The following SIAH1 variants were observed in gnomAD, a reference collection of about 807,000 sequenced individuals.
The protein encoded by SIAH1 is E3 ubiquitin-protein ligase SIAH1.
Under a neutral mutation model 20.0 loss-of-function variants are expected in SIAH1, and 2 were observed. The ratio of observed to expected loss-of-function variants is 0.10; its 90% CI spans 0.04 to 0.31. SIAH1 has a LOEUF of 0.31. Ranked by LOEUF, SIAH1 falls within the 10% of genes least tolerant of loss-of-function variation. The pLI is 1.00. For missense variants in SIAH1, 119 were observed against 355.3 expected (o/e 0.33, Z 5.35); for synonymous variants, 118 against 125.3 (o/e 0.94, Z 0.39).
chr16:48,379,428 T>A (rs547076810), intron 1 of SIAH1, among the ~76,000 whole-genome samples: 1 of 152,162 alleles, frequency 6.6e-6, no homozygotes, highest in African/African-American at 2.4e-5. Context: ...AAGAACCCAG[T>A]TGGCCTAGGT....
chr16:48,371,912 TACTTATA>T (rs1479894187), intron 1 of SIAH1, among the ~76,000 whole-genome samples: 5 of 152,142 alleles, frequency 3.3e-5, no homozygotes, highest in African/African-American at 9.7e-5. Context: ...TTTAAAACCT[TACTTATA>T]AAATTCATGG....
intron 1 of SIAH1, among the ~76,000 whole-genome samples, chr16:48,372,034 T>A (rs778906499): frequency 5.9e-5 from 9 of 151,890 alleles, no homozygotes; most frequent in Admixed American, 1.3e-4. Flanking sequence ...GAGAAAAAAA[T>A]TTTACAGCAG....
rs374415518 is a variant in SIAH1 at position 48,371,075 on chromosome 16, T to C, written c.-2-8645A>G. ...GTTGCAGTGAGCCAAGATCGTGCCA[T>C]TGCACTCCAGTCTGGGCAACAAGAG... On this transcript the variant is annotated intron_variant, in intron 1 of 1. Coordinates refer to ENST00000394725, the MANE Select transcript of SIAH1 (RefSeq NM_003031.4). 1.4e-3 allele frequency among the ~76,000 whole-genome samples: 200 copies of C among 146,834 alleles called. 2 individuals are homozygous for C. The highest frequency in any genetic ancestry group is 4.4e-3 in the African/African-American group (174 of 39,696).
chr16:48,371,173 C>G (rs1960978590), intron 1 of SIAH1, among the ~76,000 whole-genome samples: 1 of 151,046 alleles, frequency 6.6e-6, no homozygotes, highest in South Asian at 2.1e-4. Context: ...CTCAGCTACT[C>G]AAGAGGCTGA....
intron 1 of SIAH1, among the ~76,000 whole-genome samples, chr16:48,382,264 C>T (rs1300986012): frequency 2.0e-5 from 3 of 152,032 alleles, no homozygotes; most frequent in African/African-American, 7.3e-5. Flanking sequence ...GCACATGCTC[C>T]TAGTCCCAGC....
chr16:48,383,055 C>G (rs1380127194), intron 1 of SIAH1, among the ~76,000 whole-genome samples: 1 of 152,084 alleles, frequency 6.6e-6, no homozygotes, highest in Non-Finnish European at 1.5e-5. Flanking sequence ...CTTCCCGAAG[C>G]TTAGAGGGAA....
At chr16:48,371,452 A>G (rs538194956) in intron 1 of SIAH1, among the ~76,000 whole-genome samples, 1 of 152,366 alleles carries the variant, frequency 6.6e-6, no homozygotes, top group South Asian at 2.1e-4. Flanking sequence ...TAAACTTCCT[A>G]AAGTCTTTAA....
intron 1 of SIAH1, chr16:48,365,503 TC>T: frequency 5.0e-6 from 8 of 1,607,998 alleles, no homozygotes; most frequent in Non-Finnish European, 6.8e-6. Context: ...GCATTGCGTT[TC>T]CCCCAAGAAG....
At chr16:48,364,045 G>T (rs970973160) in intron 1 of SIAH1, among the ~76,000 whole-genome samples, 4 of 145,702 alleles carry the variant, frequency 2.7e-5, no homozygotes, top group Non-Finnish European at 6.0e-5. Flanking sequence ...TGCCTCCCAG[G>T]TTCAAGCAAT....
At chr16:48,385,452 G>A (rs530334391), upstream of SIAH1, 1 of 150,180 alleles carries the variant, frequency 6.7e-6, no homozygotes, top group South Asian at 2.1e-4. Context: ...CACACACTGC[G>A]GCGGCGGCCA....
chr16:48,370,784 C>T (rs950415373), intron 1 of SIAH1, among the ~76,000 whole-genome samples: 7 of 147,280 alleles, frequency 4.8e-5, no homozygotes, highest in Admixed American at 1.4e-4. Context: ...CCAGCCTGGG[C>T]GACAGAGCAA....
intron 1 of SIAH1, chr16:48,365,658 G>T: frequency 7.0e-7 from 1 of 1,432,244 alleles, no homozygotes; most frequent in Non-Finnish European, 9.1e-7. Flanking sequence ...CCATCCCCAG[G>T]AGGCAACCAC....
intron 1 of SIAH1, among the ~76,000 whole-genome samples, chr16:48,367,654 T>C (rs572098289): frequency 1.7e-4 from 26 of 152,344 alleles, no homozygotes; most frequent in African/African-American, 5.5e-4. Flanking sequence ...TCAGAATTTG[T>C]AGATTCCAAG....
upstream of SIAH1, among the ~76,000 whole-genome samples, chr16:48,386,272 C>T (rs937419099): frequency 6.6e-5 from 10 of 152,122 alleles, no homozygotes; most frequent in Non-Finnish European, 1.5e-4. Flanking sequence ...TTAGGGAGGC[C>T]GAGGCCGATG....
At chr16:48,382,297 G>T (rs1421819826) in intron 1 of SIAH1, among the ~76,000 whole-genome samples, 1 of 152,016 alleles carries the variant, frequency 6.6e-6, no homozygotes, top group Admixed American at 6.6e-5. Flanking sequence ...TAAGGTGGGG[G>T]GAACCTTTGA....
chr16:48,365,724 G>A, intron 1 of SIAH1: 1 of 1,419,496 alleles, frequency 7.0e-7, no homozygotes, highest in Non-Finnish European at 9.2e-7. Flanking sequence ...CCACAGCTGC[G>A]CTGTCCTCCA....
chr16:48,365,243 G>C, intron 1 of SIAH1: 2 of 814,510 alleles, frequency 2.5e-6, no homozygotes, highest in Non-Finnish European at 1.9e-6. Context: ...ACAGAAAAAA[G>C]AACAGCAGCC....
upstream of SIAH1, among the ~76,000 whole-genome samples, chr16:48,386,746 G>A (rs966367048): frequency 1.3e-5 from 2 of 152,186 alleles, no homozygotes; most frequent in African/African-American, 4.8e-5. Context: ...TACAGACTAT[G>A]TGCTTGGCAT....
chr16:48,372,879 G>A (rs992930074), intron 1 of SIAH1, among the ~76,000 whole-genome samples: 7 of 152,294 alleles, frequency 4.6e-5, no homozygotes, highest in Middle Eastern at 3.4e-3. Flanking sequence ...GAATTTCAAT[G>A]GTTCTGTGGT....
Sources: allele counts gnomAD v4.1 joint callset (sites outside exome capture counted in the v4.1 genomes callset), GRCh38; gene constraint gnomAD v4.1.1; transcripts MANE v1.5; gene names NCBI Gene and HGNC (gene_info 2026-07-23, HGNC 2026-07-21).